The following KCNIP4 variants were observed in gnomAD, a reference collection of about 807,000 sequenced individuals.
KCNIP4 encodes Kv channel-interacting protein 4.
KCNIP4 carries 12 observed loss-of-function variants against 34.0 expected under a neutral mutation model. The observed-to-expected ratio is 0.35, with a 90% CI of 0.23 to 0.57. KCNIP4 has a LOEUF of 0.57. Ranked by LOEUF, KCNIP4 falls within the 20% of genes least tolerant of loss-of-function variation. The pLI, the probability that KCNIP4 is intolerant of heterozygous loss-of-function variation, is 0.83. For synonymous variants in KCNIP4, 124 were observed against 102.2 expected, an observed-to-expected ratio of 1.21 and a Z score of -1.29; for missense variants, 238 against 311.7, an observed-to-expected ratio of 0.76 and a Z score of 1.78.
At chr4:21,681,168 T>C in intron 1 of KCNIP4, among the ~76,000 whole-genome samples, 1 of 152,102 alleles carries the variant, frequency 6.6e-6, no homozygotes, top group East Asian at 1.9e-4. Flanking sequence ...TTGATCTCCC[T>C]AGCTCATGCA....
chr4:21,123,218 T>C (rs978053005), intron 1 of KCNIP4, among the ~76,000 whole-genome samples: 1 of 139,094 alleles, frequency 7.2e-6, no homozygotes, highest in Non-Finnish European at 1.6e-5. Context: ...AAAAAAAAAA[T>C]TACTGTTGAC....
chr4:21,336,547 C>T (rs922378610), intron 1 of KCNIP4, among the ~76,000 whole-genome samples: 4 of 152,116 alleles, frequency 2.6e-5, no homozygotes, highest in African/African-American at 4.8e-5. Context: ...TCCCAGTTGC[C>T]AATTTGATTC....
chr4:21,035,520 T>C (rs1741375713), intron 1 of KCNIP4, among the ~76,000 whole-genome samples: 1 of 152,178 alleles, frequency 6.6e-6, no homozygotes, highest in African/African-American at 2.4e-5. Flanking sequence ...TCATATTCCT[T>C]TGGGCCTAGC....
At chr4:21,231,025 C>T (rs373111643) in intron 1 of KCNIP4, among the ~76,000 whole-genome samples, 7 of 152,052 alleles carry the variant, frequency 4.6e-5, no homozygotes, top group African/African-American at 9.7e-5. Context: ...TATGGTCTTA[C>T]GCCACCCAAT....
chr4:21,093,108 A>G (rs1747145255), intron 1 of KCNIP4, among the ~76,000 whole-genome samples: 1 of 152,154 alleles, frequency 6.6e-6, no homozygotes, highest in Non-Finnish European at 1.5e-5. Flanking sequence ...CCCACCATAA[A>G]CACTTCTGAG....
intron 1 of KCNIP4, among the ~76,000 whole-genome samples, chr4:21,775,636 G>T (rs1719123116): frequency 2.0e-5 from 3 of 152,090 alleles, no homozygotes; most frequent in Admixed American, 2.0e-4. Context: ...AGGGAGATTC[G>T]AATTCTGTCC....
At chr4:21,308,709 T>TGAGA (rs199886931) in intron 1 of KCNIP4, among the ~76,000 whole-genome samples, 18 of 95,406 alleles carry the variant, frequency 1.9e-4, no homozygotes, top group Non-Finnish European at 3.3e-4. Context: ...CCCTGCCGTG[T>TGAGA]GAGTGTGTGT....
In KCNIP4 at chr4:21,636,308, A is replaced by G. The variant is rs868540694; in HGVS notation, c.61+312263T>C. On this transcript the variant is annotated intron_variant, in intron 1 of 8. Coordinates refer to ENST00000382152, the MANE Select transcript of KCNIP4 (RefSeq NM_025221.6). The stretch of plus-strand genomic sequence containing the variant: ...AGTATAATAAAAAAAAAGGAAAAAA[A>G]AAAAAGAAAGAATCTGATATAAATT... 8.5e-4 allele frequency among the ~76,000 whole-genome samples: 129 copies of G among 152,234 alleles called. 3 individuals carry two copies. The East Asian group carries it at 0.02, about 23-fold the overall frequency.
chr4:21,584,348 C>G (rs375543704), intron 1 of KCNIP4, among the ~76,000 whole-genome samples: 7 of 151,946 alleles, frequency 4.6e-5, no homozygotes, highest in African/African-American at 1.4e-4. Flanking sequence ...TCATAAAGGG[C>G]AACTAATTTC....
At chr4:20,909,311 T>C (rs1728104826) in intron 1 of KCNIP4, among the ~76,000 whole-genome samples, 1 of 152,134 alleles carries the variant, frequency 6.6e-6, no homozygotes. Flanking sequence ...TTAGAGTGGG[T>C]GATGTTATAT....
chr4:20,808,122 G>A (rs1715304526), intron 3 of KCNIP4, among the ~76,000 whole-genome samples: 1 of 151,980 alleles, frequency 6.6e-6, no homozygotes, highest in African/African-American at 2.4e-5. Flanking sequence ...TCTCTTTTTT[G>A]GTAAAACTGT....
At chr4:20,999,329 A>G (rs1737845719) in intron 1 of KCNIP4, among the ~76,000 whole-genome samples, 1 of 152,064 alleles carries the variant, frequency 6.6e-6, no homozygotes, top group African/African-American at 2.4e-5. Flanking sequence ...TCATATTTCA[A>G]GATACAGGGC....
chr4:21,425,910 T>C (rs868473755), intron 1 of KCNIP4, among the ~76,000 whole-genome samples: 46 of 152,032 alleles, frequency 3.0e-4, no homozygotes, highest in Non-Finnish European at 7.4e-5. Context: ...AAAAATTAGC[T>C]GTTTGTAGTG....
intron 1 of KCNIP4, among the ~76,000 whole-genome samples, chr4:21,378,607 A>G (rs913256353): frequency 2.6e-5 from 4 of 152,178 alleles, no homozygotes; most frequent in Non-Finnish European, 5.9e-5. Context: ...ACTACCATAC[A>G]TTTAAATACT....
intron 1 of KCNIP4, chr4:21,697,352 G>C: frequency 2.9e-6 from 4 of 1,371,784 alleles, no homozygotes; most frequent in Non-Finnish European, 3.9e-6. Context: ...GTCATTACCT[G>C]TATGAAGAGA....
intron 1 of KCNIP4, among the ~76,000 whole-genome samples, chr4:21,588,741 C>T (rs1741860933): frequency 6.6e-6 from 1 of 151,900 alleles, no homozygotes; most frequent in Admixed American, 6.6e-5. Flanking sequence ...TACTCTGTCT[C>T]TAGAGAATAT....
At chr4:21,658,481 T>C (rs1437463757) in intron 1 of KCNIP4, among the ~76,000 whole-genome samples, 1 of 152,138 alleles carries the variant, frequency 6.6e-6, no homozygotes, top group Non-Finnish European at 1.5e-5. Context: ...AATGGCACGA[T>C]CTCAGCTCAC....
intron 1 of KCNIP4, among the ~76,000 whole-genome samples, chr4:21,774,435 T>C (rs555916969): frequency 1.3e-5 from 2 of 152,244 alleles, no homozygotes; most frequent in South Asian, 4.1e-4. Context: ...CTTCTCATGT[T>C]GTATCTTAAT....
At chr4:21,388,506 G>A (rs887399442) in intron 1 of KCNIP4, among the ~76,000 whole-genome samples, 1 of 151,920 alleles carries the variant, frequency 6.6e-6, no homozygotes, top group African/African-American at 2.4e-5. Flanking sequence ...TTTTATTGGG[G>A]TATAATCAAC....
Sources: allele counts gnomAD v4.1 joint callset (sites outside exome capture counted in the v4.1 genomes callset), GRCh38; gene constraint gnomAD v4.1.1; transcripts MANE v1.5; gene names NCBI Gene and HGNC (gene_info 2026-07-23, HGNC 2026-07-21).